Variants in CASK observed in about 807,000 individuals in gnomAD.
The protein encoded by CASK is peripheral plasma membrane protein CASK.
In CASK, 4 loss-of-function variants were observed where a neutral mutation model predicts 82.9. The ratio of observed to expected loss-of-function variants is 0.05; its 90% CI spans 0.02 to 0.11. The LOEUF (loss-of-function observed/expected upper bound fraction) is 0.11. Ranked by LOEUF, CASK falls within the 10% of genes least tolerant of loss-of-function variation. The pLI is 1.00. For synonymous variants in CASK, 259 were observed against 253.5 expected (o/e 1.02, Z -0.20); for missense variants, 358 against 720.9 (o/e 0.50, Z 5.76).
intron 3 of CASK, among the ~76,000 whole-genome samples, chrX:41,769,347 C>T (rs2069173805): frequency 9.2e-6 from 1 of 108,746 alleles, no homozygotes; most frequent in South Asian, 4.1e-4. Context: ...AGGTGCATAC[C>T]CCCATGCTTG....
chrX:41,617,892 T>C (rs757872448), intron 11 of CASK, among the ~76,000 whole-genome samples: 2 of 112,514 alleles, frequency 1.8e-5, no homozygotes, highest in Admixed American at 1.9e-4. Context: ...CTAAAAAGGC[T>C]GTTTTTCCTA....
At chrX:41,803,081 G>T (rs1211672397) in intron 2 of CASK, among the ~76,000 whole-genome samples, 1 of 111,352 alleles carries the variant, frequency 9.0e-6, no homozygotes, top group Non-Finnish European at 1.9e-5. Context: ...CTCTAGCACA[G>T]ATGAAAGGCA....
At chrX:41,911,565 G>A (rs749145758) in intron 1 of CASK, among the ~76,000 whole-genome samples, 1 of 112,267 alleles carries the variant, frequency 8.9e-6, no homozygotes, top group Non-Finnish European at 1.9e-5. Flanking sequence ...AATTGCTGTT[G>A]TAATAAAATT....
intron 5 of CASK, chrX:41,676,600 G>A (rs1162980771): frequency 5.1e-6 from 3 of 586,447 alleles, no homozygotes; most frequent in South Asian, 6.1e-5. Flanking sequence ...CCTGCTCTCC[G>A]AACTCTGGGT....
chrX:41,682,787 A>AT (rs1303048292), intron 5 of CASK, among the ~76,000 whole-genome samples: 3 of 109,114 alleles, frequency 2.7e-5, no homozygotes, highest in Non-Finnish European at 5.7e-5. Flanking sequence ...AATTAAAAAC[A>AT]TTTTTTGGGG....
rs1388215660 is a variant in CASK, at chrX:41,770,246, TATCTATCTATC to T, written c.278+16921_278+16931del. Among the ~76,000 whole-genome samples, 7 of 106,452 alleles carry T rather than the reference TATCTATCTATC, an allele frequency of 6.6e-5. No homozygotes were observed. The East Asian group carries it at 1.2e-3, about 18-fold the overall frequency. The allele number at this position is 106,452 out of a possible 115,157, so 92.4% of individuals were successfully genotyped here. Reference sequence around the variant, plus strand: ...AATAAAAGCCAAAAATAATACAATCTATCTATCTATCATCTATCTATCTATCTATCTATCTA... The same window carrying T: ...AATAAAAGCCAAAAATAATACAATCTATCTATCTATCTATCTATCTATCTA... On this transcript the variant is annotated intron_variant, in intron 3 of 26. Coordinates refer to ENST00000378163, the MANE Select transcript of CASK (RefSeq NM_001367721.1).
At chrX:41,648,384 AGTCCTGTG>A (rs1465797467) in intron 8 of CASK, among the ~76,000 whole-genome samples, 4 of 111,638 alleles carry the variant, frequency 3.6e-5, no homozygotes, top group African/African-American at 1.3e-4. Flanking sequence ...ATTTCGCCTC[AGTCCTGTG>A]GTCCTGTGAT....
intron 1 of CASK, 84 bp from the exon 2 acceptor site, chrX:41,853,311 A>G: frequency 3.7e-6 from 2 of 545,114 alleles, no homozygotes; most frequent in Non-Finnish European, 6.2e-6. Context: ...CATTATCTAT[A>G]TAATATAGAT....
At chrX:41,536,868 A>G (rs1456758884) in intron 22 of CASK, among the ~76,000 whole-genome samples, 1 of 111,898 alleles carries the variant, frequency 8.9e-6, no homozygotes, top group Non-Finnish European at 1.9e-5. Flanking sequence ...GCAAAAATAA[A>G]AGCAGGAGTG....
chrX:41,919,164 T>TTCCC (rs1160206974), intron 1 of CASK: 1 of 112,381 alleles, frequency 8.9e-6, no homozygotes, highest in Non-Finnish European at 1.9e-5. Flanking sequence ...GTAAGAAACA[T>TTCCC]TCCCTGCCCT....
intron 8 of CASK, among the ~76,000 whole-genome samples, chrX:41,642,526 T>C (rs991116005): frequency 1.8e-5 from 2 of 112,637 alleles, no homozygotes. Flanking sequence ...AGGTGTCTGT[T>C]GGCTGCATAA....
At chrX:41,673,272 A>G (rs111887337) in intron 5 of CASK, among the ~76,000 whole-genome samples, 1,917 of 111,793 alleles carry the variant, frequency 0.017, 33 homozygotes, top group African/African-American at 0.058. Context: ...ATGTGAACTT[A>G]ATTAAGTTAA....
chrX:41,546,003 G>A (rs1202440943), intron 21 of CASK, among the ~76,000 whole-genome samples: 4 of 109,107 alleles, frequency 3.7e-5, no homozygotes, highest in Non-Finnish European at 5.7e-5. Flanking sequence ...ACAGAGTGTC[G>A]CTCTGTTGCC....
chrX:41,635,841 A>G (rs1210491737), intron 9 of CASK: 2 of 104,967 alleles, frequency 1.9e-5, no homozygotes, highest in Non-Finnish European at 3.9e-5. Flanking sequence ...AGGTAGTGTA[A>G]GATTTTATTT....
At chrX:41,854,224 G>GCGCGCA (rs1367817089) in intron 1 of CASK, among the ~76,000 whole-genome samples, 121 of 81,715 alleles carry the variant, frequency 1.5e-3, no homozygotes, top group Admixed American at 3.2e-3. Flanking sequence ...GCGGGCGCGC[G>GCGCGCA]CACACACACA....
intron 8 of CASK, among the ~76,000 whole-genome samples, chrX:41,646,686 T>C (rs2066764042): frequency 1.8e-5 from 2 of 111,950 alleles, no homozygotes; most frequent in South Asian, 7.4e-4. Context: ...CTGCTTTACT[T>C]ACCTCCAACC....
At chrX:41,871,105 A>G (rs1026817418) in intron 1 of CASK, among the ~76,000 whole-genome samples, 3 of 111,500 alleles carry the variant, frequency 2.7e-5, no homozygotes, top group Non-Finnish European at 5.6e-5. Context: ...CTGAAGGTCC[A>G]TTTCCTTGTT....
chrX:41,766,902 A>G (rs1244591806), intron 3 of CASK, among the ~76,000 whole-genome samples: 3 of 111,727 alleles, frequency 2.7e-5, no homozygotes, highest in Admixed American at 9.5e-5. Context: ...AACAAAAACA[A>G]GAGCATTATG....
chrX:41,769,181 C>CTTTTCT (rs1209167826), intron 3 of CASK, among the ~76,000 whole-genome samples: 5 of 104,304 alleles, frequency 4.8e-5, no homozygotes, highest in Non-Finnish European at 9.8e-5. Flanking sequence ...GTACTTTTTT[C>CTTTTCT]TTTTCTTTTT....
Sources: gnomAD v4.1 joint callset for allele counts (sites outside exome capture counted in the v4.1 genomes callset) on GRCh38, gnomAD v4.1.1 for gene constraint, MANE v1.5 for transcripts, NCBI Gene and HGNC (gene_info 2026-07-23, HGNC 2026-07-21) for gene names.